The following HSPA12A variants were observed in gnomAD, a reference collection of about 807,000 sequenced individuals.
HSPA12A encodes the protein heat shock protein family A (Hsp70) member 12A, also known as heat shock 70 kDa protein 12A.
In HSPA12A, 28 loss-of-function variants were observed where a neutral mutation model predicts 69.2. That is an observed-to-expected ratio of 0.40 (90% CI 0.30 to 0.55). HSPA12A has a LOEUF of 0.55. HSPA12A is among the 20% of genes least tolerant of loss of function. HSPA12A has a pLI of 0.38. For missense variants in HSPA12A, 686 were observed against 900.7 expected (o/e 0.76, Z 3.05); for synonymous variants, 345 against 370.5 (o/e 0.93, Z 0.79).
chr10:116,799,872 G>C (rs1185922848), intron 2 of HSPA12A, among the ~76,000 whole-genome samples: 1 of 152,224 alleles, frequency 6.6e-6, no homozygotes. Context: ...CCCTGTTCCA[G>C]ATGCTGGTAA....
upstream of HSPA12A, among the ~76,000 whole-genome samples, chr10:116,743,900 C>T (rs1398103974): frequency 6.6e-6 from 1 of 152,246 alleles, no homozygotes; most frequent in Non-Finnish European, 1.5e-5. Context: ...TCAATATTCT[C>T]ATCTGCGAAA....
intron 1 of HSPA12A, among the ~76,000 whole-genome samples, chr10:116,738,046 G>A (rs1047453546): frequency 2.0e-5 from 3 of 152,128 alleles, no homozygotes; most frequent in East Asian, 1.9e-4. Flanking sequence ...ATTCCTCCCC[G>A]CTGTTCTAAT....
intron 5 of HSPA12A, among the ~76,000 whole-genome samples, chr10:116,697,101 A>G (rs1417550056): frequency 2.0e-5 from 3 of 152,180 alleles, no homozygotes; most frequent in Non-Finnish European, 4.4e-5. Context: ...GGTACTCAAA[A>G]AAACAGGTAC....
Position 116,676,408 on chromosome 10 carries a change from CAAT to C in HSPA12A, c.1378_1380del (p.Ile460del), listed in dbSNP as rs781847935. 2.5e-6 allele frequency: 4 copies of C among 1,613,572 alleles called. No individual in the cohort carries two copies. Among genetic ancestry groups the C allele is most frequent in the Non-Finnish European group, 3.4e-6 (4 of 1,179,752 alleles). On this transcript the variant is annotated inframe_deletion, in exon 11 of 12. Coordinates refer to ENST00000369209, the MANE Select transcript of HSPA12A (RefSeq NM_025015.3). ...CCTGGCTGATACTTACGGAGATGCT[CAAT>C]GATGCTATCGATGGTCGGCTTAAAA... is the stretch of plus-strand genomic sequence containing the variant.
At chr10:116,690,697 T>C (rs1849710392) in intron 6 of HSPA12A, among the ~76,000 whole-genome samples, 1 of 152,218 alleles carries the variant, frequency 6.6e-6, no homozygotes, top group African/African-American at 2.4e-5. Context: ...TGCCCTCCAC[T>C]GTGACTCCCC....
At chr10:116,813,866 A>G (rs1409908547) in intron 2 of HSPA12A, among the ~76,000 whole-genome samples, 2 of 152,190 alleles carry the variant, frequency 1.3e-5, no homozygotes, top group East Asian at 3.9e-4. Flanking sequence ...CCTGGGCAAC[A>G]AAGTGAGAGG....
At position 116,727,254 on chromosome 10, in the gene HSPA12A, A is replaced by G. The variant is rs1432568353; in HGVS notation, c.40+15176T>C. 2.0e-5 allele frequency among the ~76,000 whole-genome samples: 3 copies of G among 152,178 alleles called. No individual in the cohort carries two copies. In the East Asian group the frequency reaches 5.8e-4, roughly 29 times the overall value. ...GGGGTCAACTCATACAGCTAAAGTC[A>G]TCTCAAGGCTCATCTGGCACTAGAT... On this transcript the variant is annotated intron_variant, in intron 1 of 11. Coordinates refer to ENST00000369209, the MANE Select transcript of HSPA12A (RefSeq NM_025015.3).
At chr10:116,731,906 T>C (rs1274165429) in intron 1 of HSPA12A, among the ~76,000 whole-genome samples, 1 of 152,098 alleles carries the variant, frequency 6.6e-6, no homozygotes, top group African/African-American at 2.4e-5. Flanking sequence ...ACATCAGACC[T>C]CCTGTGTATC....
chr10:116,705,795 C>T (rs1850225494), intron 2 of HSPA12A, among the ~76,000 whole-genome samples: 1 of 152,186 alleles, frequency 6.6e-6, no homozygotes, highest in African/African-American at 2.4e-5. Flanking sequence ...CCCACCAGGC[C>T]AGCCACATGA....
chr10:116,845,950 A>C (rs925206371), intron 1 of HSPA12A, among the ~76,000 whole-genome samples: 1 of 152,254 alleles, frequency 6.6e-6, no homozygotes, highest in African/African-American at 2.4e-5. Flanking sequence ...CCAACTTTTC[A>C]AAATGGTTTC....
At chr10:116,765,476 G>A (rs1050702373) in intron 2 of HSPA12A, among the ~76,000 whole-genome samples, 4 of 151,746 alleles carry the variant, frequency 2.6e-5, no homozygotes, top group Non-Finnish European at 4.4e-5. Flanking sequence ...GGGGGAAAAA[G>A]GAATAATGGT....
chr10:116,842,310 T>G (rs1323885176), intron 1 of HSPA12A, among the ~76,000 whole-genome samples: 2 of 152,184 alleles, frequency 1.3e-5, no homozygotes, highest in African/African-American at 4.8e-5. Context: ...TGATAAAACA[T>G]CTAACTGGTC....
At position 116,676,380 on chromosome 10, in the gene HSPA12A, G is replaced by T. The variant is rs374314747; in HGVS notation, c.1390+19C>A. On this transcript the variant is annotated intron_variant, in intron 11 of 11. Coordinates refer to ENST00000369209, the MANE Select transcript of HSPA12A (RefSeq NM_025015.3). ...CTCAGCTCTGCCTCGCCGAGTGGCC[G>T]AGCCTGGCTGATACTTACGGAGATG... 4 of 1,599,370 alleles carry T rather than the reference G, an allele frequency of 2.5e-6. No individual in the cohort carries two copies. The highest frequency in any genetic ancestry group is 1.7e-5 in the Admixed American group (1 of 60,006).
chr10:116,786,117 T>G (rs542603514), intron 2 of HSPA12A, among the ~76,000 whole-genome samples: 1 of 152,072 alleles, frequency 6.6e-6, no homozygotes, highest in Non-Finnish European at 1.5e-5. Context: ...GCCTCTCGGG[T>G]AATTACGCAG....
At chr10:116,811,419 C>T (rs1450125160) in intron 2 of HSPA12A, among the ~76,000 whole-genome samples, 1 of 152,130 alleles carries the variant, frequency 6.6e-6, no homozygotes, top group Non-Finnish European at 1.5e-5. Context: ...CACTCAGACC[C>T]TCCTTGCGCC....
intron 8 of HSPA12A, 73 bp from the exon 9 acceptor site, chr10:116,681,329 C>G: frequency 8.3e-7 from 1 of 1,201,248 alleles, no homozygotes; most frequent in Non-Finnish European, 1.2e-6. Context: ...TGGGTGGTAA[C>G]TAGGTAGACC....
At chr10:116,776,036 C>A (rs1482064652) in intron 2 of HSPA12A, among the ~76,000 whole-genome samples, 1 of 152,188 alleles carries the variant, frequency 6.6e-6, no homozygotes, top group Admixed American at 6.5e-5. Context: ...CCTCTGGCCT[C>A]CAGTTAAGTG....
intron 2 of HSPA12A, among the ~76,000 whole-genome samples, chr10:116,752,878 A>G (rs566142734): frequency 6.4e-4 from 98 of 152,336 alleles, no homozygotes; most frequent in Non-Finnish European, 1.3e-3. Flanking sequence ...GTTAGCCATT[A>G]TAACTGGCCA....
At chr10:116,712,977 A>AATATATATATATATATAT (rs56007651) in intron 1 of HSPA12A, among the ~76,000 whole-genome samples, 1,087 of 80,568 alleles carry the variant, frequency 0.013, 32 homozygotes, top group African/African-American at 0.02. Flanking sequence ...TAAAAAATGC[A>AATATATATATATATATAT]ATATATATAT....
Sources: gnomAD v4.1 joint callset for allele counts (sites outside exome capture counted in the v4.1 genomes callset) on GRCh38, gnomAD v4.1.1 for gene constraint, MANE v1.5 for transcripts, NCBI Gene and HGNC (gene_info 2026-07-23, HGNC 2026-07-21) for gene names.